The following OPCML variants were observed in gnomAD, a reference collection of about 807,000 sequenced individuals.
OPCML encodes the protein opioid binding protein/cell adhesion molecule like.
A neutral mutation model predicts 37.8 loss-of-function variants in OPCML; 13 were observed. That is an observed-to-expected ratio of 0.34 (90% CI 0.22 to 0.55). The LOEUF (loss-of-function observed/expected upper bound fraction) is 0.55, where lower values mean the gene tolerates loss of function less well. OPCML is among the 20% of genes least tolerant of loss of function. OPCML has a pLI of 0.91. For missense variants in OPCML, 341 were observed against 435.6 expected (o/e 0.78, Z 1.93); for synonymous variants, 176 against 168.8 (o/e 1.04, Z -0.33).
chr11:132,935,459 C>A (rs936429367), intron 2 of OPCML, among the ~76,000 whole-genome samples: 4 of 152,162 alleles, frequency 2.6e-5, no homozygotes, highest in Non-Finnish European at 5.9e-5. Context: ...AACTTAACAA[C>A]CACTGATAAC....
chr11:132,955,839 CA>C (rs1945967528), intron 1 of OPCML, among the ~76,000 whole-genome samples: 1 of 152,116 alleles, frequency 6.6e-6, no homozygotes, highest in African/African-American at 2.4e-5. Context: ...GCCGAGATCG[CA>C]CCATTGCACT....
chr11:132,916,616 G>A (rs80238268), intron 2 of OPCML, among the ~76,000 whole-genome samples: 14,949 of 152,210 alleles, frequency 0.098, 2,347 homozygotes, highest in African/African-American at 0.33. Context: ...AGTAGTACAC[G>A]TAGAGCTTTG....
intron 4 of OPCML, among the ~76,000 whole-genome samples, chr11:132,508,179 A>G (rs546006938): frequency 2.0e-5 from 3 of 152,268 alleles, no homozygotes; most frequent in African/African-American, 7.2e-5. Flanking sequence ...TTATTTTTAA[A>G]CTCTTTCAGA....
chr11:133,378,107 G>C (rs1024790587), intron 1 of OPCML, among the ~76,000 whole-genome samples: 3 of 152,200 alleles, frequency 2.0e-5, no homozygotes, highest in African/African-American at 7.2e-5. Context: ...CAGGCGTTTA[G>C]AAGAAGCTAT....
At chr11:132,908,812 G>A (rs1417351749) in intron 2 of OPCML, among the ~76,000 whole-genome samples, 5 of 152,366 alleles carry the variant, frequency 3.3e-5, no homozygotes, top group Middle Eastern at 3.4e-3. Flanking sequence ...TCAGACAGGA[G>A]TCTACTTGGG....
At position 133,086,540 on chromosome 11, in the gene OPCML, A is replaced by G. The variant is rs190951205; in HGVS notation, c.62-143530T>C. 3.8e-4 allele frequency among the ~76,000 whole-genome samples: 58 copies of G among 152,314 alleles called. 1 individual carries two copies. The highest frequency in any genetic ancestry group is 1.3e-3 in the African/African-American group (55 of 41,568). ...TGAAAATTCTGCTTAAATAAATGAA[A>G]TAGTTGGCAGATAAAGATTGAATAT... On this transcript the variant is annotated intron_variant, in intron 1 of 7. Coordinates refer to ENST00000524381, the MANE Select transcript of OPCML (RefSeq NM_001012393.5).
intron 2 of OPCML, among the ~76,000 whole-genome samples, chr11:132,877,702 A>T (rs144620003): frequency 1.3e-5 from 2 of 152,310 alleles, no homozygotes; most frequent in Non-Finnish European, 2.9e-5. Context: ...AATCTGTAGT[A>T]TATTCACTAG....
At chr11:132,643,333 C>T (rs542035941) in intron 3 of OPCML, among the ~76,000 whole-genome samples, 158 of 152,290 alleles carry the variant, frequency 1.0e-3, no homozygotes, top group African/African-American at 3.5e-3. Flanking sequence ...TCAGGCAGAG[C>T]GGTCGGAGAG....
intron 2 of OPCML, among the ~76,000 whole-genome samples, chr11:132,872,321 T>C (rs1377391306): frequency 2.0e-5 from 3 of 152,178 alleles, no homozygotes; most frequent in Non-Finnish European, 4.4e-5. Context: ...CTCCTGAACG[T>C]GACTATTTTC....
chr11:132,922,484 C>T (rs956385153), intron 2 of OPCML, among the ~76,000 whole-genome samples: 1 of 152,008 alleles, frequency 6.6e-6, no homozygotes, highest in African/African-American at 2.4e-5. Flanking sequence ...TGCGGGAAGA[C>T]GGAGCACCGA....
rs555596480 is a variant in OPCML, at chr11:133,234,356, A to T, written c.62-291346T>A. 3.3e-5 allele frequency among the ~76,000 whole-genome samples: 5 copies of T among 152,336 alleles called. No individual in the cohort carries two copies. The South Asian group carries it at 1.0e-3, about 32-fold the overall frequency. On this transcript the variant is annotated intron_variant, in intron 1 of 7. Coordinates refer to ENST00000524381, the MANE Select transcript of OPCML (RefSeq NM_001012393.5). ...AAAACCTTTTTGGAGGATTACTTAGAGGCTTCTTCTCTCTCTAGGCAGGAC... is the reference window on the plus strand; with the variant it reads ...AAAACCTTTTTGGAGGATTACTTAGTGGCTTCTTCTCTCTCTAGGCAGGAC...
rs191544215 is a variant in OPCML at position 133,208,015 on chromosome 11, C to T, written c.62-265005G>A. On this transcript the variant is annotated intron_variant, in intron 1 of 7. Coordinates refer to ENST00000524381, the MANE Select transcript of OPCML (RefSeq NM_001012393.5). The surrounding 1 kb of genome is among the most constrained non-coding windows in gnomAD (Gnocchi z 8.9). ...CACCTCTACGCTTTGTAATTAAGAACTCAAACTGCATTTAACCACCCTAGG... is the reference window on the plus strand; with the variant it reads ...CACCTCTACGCTTTGTAATTAAGAATTCAAACTGCATTTAACCACCCTAGG... 8.3e-4 allele frequency among the ~76,000 whole-genome samples: 126 copies of T among 152,274 alleles called. No individual in the cohort carries two copies. Among genetic ancestry groups the T allele is most frequent in the African/African-American group, 2.7e-3 (112 of 41,556 alleles).
chr11:133,104,363 C>T (rs2137077950), intron 1 of OPCML, among the ~76,000 whole-genome samples: 1 of 152,326 alleles, frequency 6.6e-6, no homozygotes, highest in Admixed American at 6.5e-5. Context: ...AGTTCAGAGT[C>T]TAGCTCACCC....
chr11:133,191,272 C>A (rs143155159), intron 1 of OPCML, among the ~76,000 whole-genome samples: 372 of 152,146 alleles, frequency 2.4e-3, no homozygotes, highest in Non-Finnish European at 4.4e-3. Flanking sequence ...TGTGTATTTT[C>A]TTTAAGTGAA....
chr11:133,249,458 C>T (rs1007208252), intron 1 of OPCML, among the ~76,000 whole-genome samples: 1 of 152,220 alleles, frequency 6.6e-6, no homozygotes, highest in East Asian at 1.9e-4. Flanking sequence ...CCACCTCCAA[C>T]ATTGCGGATC....
chr11:132,836,772 G>A (rs981456193), intron 2 of OPCML, among the ~76,000 whole-genome samples: 3 of 152,246 alleles, frequency 2.0e-5, no homozygotes, highest in Admixed American at 6.5e-5. Flanking sequence ...AAGCCCCAGC[G>A]GAAAAATCAA....
chr11:132,436,121 T>C lies in OPCML; in HGVS notation c.881A>G (p.Lys294Arg). ...YGNYTCVATN[K>R]LGNTNASITL... ...GATGCTGGCATTGGTGTTCCCAAGC[T>C]TGTTCGTGGCCACACAAGTATAGTT... Residue 294 changes from lysine (K) to arginine (R), a missense_variant, in exon 7 of 8, where the codon AAG (lysine) becomes AGG (arginine). Physicochemically the swap from Lys to Arg is conservative, Grantham distance 26 (BLOSUM62 2). Coordinates refer to ENST00000524381, the MANE Select transcript of OPCML (RefSeq NM_001012393.5). 6.2e-7 allele frequency: 1 copy of C among 1,614,200 alleles called. No individual in the cohort carries two copies. The highest frequency in any genetic ancestry group is 8.5e-7 in the Non-Finnish European group (1 of 1,180,028).
At chr11:132,685,949 T>C (rs1348152477) in intron 2 of OPCML, among the ~76,000 whole-genome samples, 1 of 152,158 alleles carries the variant, frequency 6.6e-6, no homozygotes, top group Non-Finnish European at 1.5e-5. Context: ...AACAACAACG[T>C]CCTTTGGGCC....
In OPCML at chr11:132,649,119, T is replaced by C. The variant is rs186346681; in HGVS notation, c.379+7968A>G. ...TGAAAACTGTGTGCGTGTAAGAGTG[T>C]GTGTATGTGTGAGTGCGTGAGTATG... On this transcript the variant is annotated intron_variant, in intron 3 of 7. Coordinates refer to ENST00000524381, the MANE Select transcript of OPCML (RefSeq NM_001012393.5). 3.1e-3 allele frequency among the ~76,000 whole-genome samples: 472 copies of C among 152,172 alleles called. 3 individuals are homozygous for C. The highest frequency in any genetic ancestry group is 6.6e-3 in the South Asian group (32 of 4,816).
Sources: allele counts gnomAD v4.1 joint callset (sites outside exome capture counted in the v4.1 genomes callset), GRCh38; gene constraint gnomAD v4.1.1; non-coding constraint Gnocchi (gnomAD v3.1); transcripts MANE v1.5; gene names NCBI Gene and HGNC (gene_info 2026-07-23, HGNC 2026-07-21).